PPOX: variants seen among roughly 807,000 people sequenced by gnomAD.
PPOX encodes the protein protoporphyrinogen oxidase.
A neutral mutation model predicts 54.1 loss-of-function variants in PPOX; 23 were observed. The observed-to-expected ratio is 0.43, with a 90% CI of 0.31 to 0.60. PPOX has a LOEUF of 0.60. Among genes scored for constraint, PPOX ranks in the 20% least tolerant of loss-of-function variants. The pLI is 0.13. For missense variants in PPOX, 512 were observed against 601.1 expected (o/e 0.85, Z 1.55); for synonymous variants, 224 against 236.1 (o/e 0.95, Z 0.47).
intron 7 of PPOX, 45 bp from the exon 8 acceptor site, chr1:161,169,615 C>G: frequency 6.3e-7 from 1 of 1,594,038 alleles, no homozygotes; most frequent in Non-Finnish European, 8.6e-7. Context: ...TTTCACTCAT[C>G]AAATTCTCAT....
intron 6 of PPOX, among the ~76,000 whole-genome samples, 173 bp downstream of exon 6, chr1:161,168,749 G>A (rs1413628672): frequency 5.3e-5 from 8 of 152,046 alleles, no homozygotes; most frequent in Non-Finnish European, 1.2e-4. Flanking sequence ...TGCAACCTCC[G>A]CCTCCCAGAT....
rs1558035883 is a variant in PPOX at position 161,170,390 on chromosome 1, T to G, written c.988-19T>G. The G allele has an allele frequency of 2.2e-6, 3 of 1,391,528 alleles. No homozygotes were observed. The African/African-American group carries it at 4.7e-5, about 22-fold the overall frequency. 86.2% of individuals were successfully genotyped at this position (1,391,528 alleles called of 1,614,324 possible). ...GCTAGAGCCCTTTCCTTCTGACGCA[T>G]GAATGTCCTTCTCTCCAGGGATTTG... On this transcript the variant is annotated intron_variant, in intron 9 of 12. Coordinates refer to ENST00000367999, the MANE Select transcript of PPOX (RefSeq NM_001122764.3).
At position 161,170,481 on chromosome 1, in the gene PPOX, C is replaced by T; in HGVS notation, c.1060C>T (p.Pro354Ser). The stretch of plus-strand genomic sequence containing the variant: ...AATCGTGTATGACTCAGTTGCTTTC[C>T]CTGAGCAGGACGGGAGCCCCCCTGG... ...LGIVYDSVAFPEQDGSPPGLR... is the reference protein window; with the variant it reads ...LGIVYDSVAFSEQDGSPPGLR... The change falls in exon 10 of 13, where the codon CCT becomes TCT. Residue 354 changes from proline (P) to serine (S), a missense_variant. Transcript: ENST00000367999. The T allele has an allele frequency of 6.2e-7, 1 of 1,614,224 alleles. No homozygotes were observed. The highest frequency in any genetic ancestry group is 1.1e-5 in the South Asian group (1 of 91,078).
chr1:161,176,999 G>A, exon 5 of PPOX: 1 of 1,536,098 alleles, frequency 6.5e-7, no homozygotes, highest in Non-Finnish European at 8.7e-7. Flanking sequence ...CCACCTGGGG[G>A]CTGTAAGCGA....
At chr1:161,171,633 G>C, downstream of PPOX, 1 of 766,370 alleles carries the variant, frequency 1.3e-6, no homozygotes. Context: ...CCTAGAGAGA[G>C]GGACCCCTCA....
chr1:161,177,211 A>C (rs1212570863), downstream of PPOX: 3 of 795,908 alleles, frequency 3.8e-6, no homozygotes, highest in Admixed American at 5.6e-5. Context: ...GTTAAAACCC[A>C]GCTCTTTCGG....
chr1:161,171,511 A>C, downstream of PPOX: 1 of 577,598 alleles, frequency 1.7e-6, no homozygotes, highest in Non-Finnish European at 3.1e-6. Context: ...TCCATGGAAG[A>C]GGGAGGGGCT....
chr1:161,171,359 G>A (rs374007226), downstream of PPOX: 2 of 1,079,834 alleles, frequency 1.9e-6, no homozygotes, highest in South Asian at 1.5e-5. Context: ...CCAGCCCCCT[G>A]AGCCAGGACC....
chr1:161,176,152 G>C (rs570799484), downstream of PPOX: 94 of 1,475,802 alleles, frequency 6.4e-5, no homozygotes, highest in African/African-American at 1.2e-3. Context: ...TAGGGTTGAA[G>C]GTGATGCCAG....
intron 4 of PPOX, 101 bp from the exon 5 acceptor site, chr1:161,167,894 T>C: frequency 6.3e-7 from 1 of 1,580,288 alleles, no homozygotes; most frequent in Non-Finnish European, 8.7e-7. Context: ...CCTGTCAGCC[T>C]TCCCAGCAAA....
chr1:161,172,296 G>A (rs1423214974), downstream of PPOX: 12 of 1,614,038 alleles, frequency 7.4e-6, no homozygotes, highest in Non-Finnish European at 1.0e-5. Flanking sequence ...TACAGATGTG[G>A]GGGGCCGAGA....
chr1:161,170,904 C>A lies in PPOX; in HGVS notation c.1249-3C>A. On this transcript the variant is annotated splice_region_variant and splice_polypyrimidine_tract_variant and intron_variant, in intron 11 of 12. Coordinates refer to ENST00000367999, the MANE Select transcript of PPOX (RefSeq NM_001122764.3). ...TTCCCTGCATCCTCTCCTCTCTTCT[C>A]AGAACTGCATTCCCCAGTATACACT... The A allele has an allele frequency of 6.2e-7, 1 of 1,614,118 alleles. No individual in the cohort carries two copies. Among genetic ancestry groups the A allele is most frequent in the South Asian group, 1.1e-5 (1 of 91,082 alleles).
At chr1:161,168,661 CT>C (rs1178367338) in intron 6 of PPOX, 85 bp downstream of exon 6, 27 of 1,530,894 alleles carry the variant, frequency 1.8e-5, no homozygotes, top group Non-Finnish European at 2.0e-5. Flanking sequence ...TTCAATGATT[CT>C]TTTTTTCTTT....
upstream of PPOX, chr1:161,166,309 G>A (rs1658868436): frequency 9.8e-6 from 10 of 1,021,572 alleles, no homozygotes; most frequent in Non-Finnish European, 1.2e-5. Context: ...TACAGCTGCC[G>A]TCGCTCCGCC....
In PPOX at chr1:161,168,018, C is replaced by A. The variant is rs202029665; in HGVS notation, c.362C>A (p.Pro121His). 3.1e-6 allele frequency: 5 copies of A among 1,614,214 alleles called. No individual in the cohort carries two copies. The highest frequency in any genetic ancestry group is 4.2e-6 in the Non-Finnish European group (5 of 1,180,040). Residue 121 changes from proline (P) to histidine (H), a missense_variant, in exon 5 of 13, where the codon CCC (proline) becomes CAC (histidine). By Grantham distance (77) the Pro-to-His change is moderately conservative. Transcript: ENST00000367999. The part of the protein sequence containing the change: ...GLRGLLRPSP[P>H]FSKPLFWAGL... ...AGGGGGCTACTCCGCCCTTCACCCC[C>A]CTTCTCCAAACCTCTGTTTTGGGCT...
intron 12 of PPOX, 38 bp downstream of exon 12, chr1:161,170,987 G>A: frequency 6.2e-7 from 1 of 1,614,116 alleles, no homozygotes; most frequent in East Asian, 2.2e-5. Flanking sequence ...GAGGGCCAAG[G>A]ACATCAGACC....
At position 161,168,108 on chromosome 1, in the gene PPOX, A is replaced by G; in HGVS notation, c.452A>G (p.Gln151Arg). 6.2e-7 allele frequency: 1 copy of G among 1,614,152 alleles called. No homozygotes were observed. The highest frequency in any genetic ancestry group is 8.5e-7 in the Non-Finnish European group (1 of 1,180,030). Reference protein sequence around the residue: ...EPDETVHSFAQRRLGPEVASL... With the variant: ...EPDETVHSFARRRLGPEVASL... ...GATGAGACTGTGCACAGTTTTGCCCAGCGCCGCCTTGGACCTGAGGTGACA... is the reference window on the plus strand; with the variant it reads ...GATGAGACTGTGCACAGTTTTGCCCGGCGCCGCCTTGGACCTGAGGTGACA... Residue 151 changes from glutamine to arginine, a missense_variant, in exon 5 of 13, where the codon CAG becomes CGG. By Grantham distance (43) the Gln-to-Arg change is conservative. Coordinates refer to ENST00000367999, the MANE Select transcript of PPOX (RefSeq NM_001122764.3).
chr1:161,170,321 T>TTCG, intron 9 of PPOX, 88 bp from the exon 10 acceptor site: 1 of 367,768 alleles, frequency 2.7e-6, no homozygotes, highest in South Asian at 1.8e-5. Context: ...TGAGACTCTG[T>TTCG]CCCCCCCACC....
chr1:161,166,653 C>G lies in PPOX; in HGVS notation c.-28C>G. 1 of 1,477,512 alleles carries G rather than the reference C, an allele frequency of 6.8e-7. No homozygotes were observed. The allele number at this position is 1,477,512 out of a possible 1,614,324, so 91.5% of individuals were successfully genotyped here. A position where few individuals can be genotyped will look rare whatever the true frequency, so the allele number is the denominator to read the frequency against. ...TCGATCTCCTTCTCCCTCATTTTCT[C>G]TCATCCCTACCTATTGTGGGTGAGT... On this transcript the variant is annotated 5_prime_UTR_variant, in exon 1 of 13. Transcript: ENST00000367999.
Sources: gnomAD v4.1 joint callset for allele counts (sites outside exome capture counted in the v4.1 genomes callset) on GRCh38, gnomAD v4.1.1 for gene constraint, MANE v1.5 for transcripts, NCBI Gene and HGNC (gene_info 2026-07-23, HGNC 2026-07-21) for gene names.